The following SPOCK3 variants were observed in gnomAD, a reference collection of about 807,000 sequenced individuals.
The protein encoded by SPOCK3 is SPARC (osteonectin), cwcv and kazal like domains proteoglycan 3, also known as testican-3.
SPOCK3 carries 30 observed loss-of-function variants against 56.6 expected under a neutral mutation model. The observed-to-expected ratio is 0.53, with a 90% CI of 0.40 to 0.72. The LOEUF is 0.72. Ranked by LOEUF, SPOCK3 falls within the 30% of genes least tolerant of loss-of-function variation. SPOCK3 has a pLI of 0.00. For synonymous variants in SPOCK3, 196 were observed against 183.3 expected (o/e 1.07, Z -0.56); for missense variants, 527 against 530.0 (o/e 0.99, Z 0.06).
At chr4:166,790,244 T>C (rs1741194914) in intron 7 of SPOCK3, among the ~76,000 whole-genome samples, 1 of 152,124 alleles carries the variant, frequency 6.6e-6, no homozygotes, top group African/African-American at 2.4e-5. Context: ...GACATTTAAA[T>C]AAACAAGTAG....
At chr4:167,062,284 A>T (rs1755684541) in intron 3 of SPOCK3, among the ~76,000 whole-genome samples, 1 of 151,854 alleles carries the variant, frequency 6.6e-6, no homozygotes, top group Non-Finnish European at 1.5e-5. Context: ...TAAAAATAAA[A>T]GACATCCTGA....
At chr4:167,002,240 T>C (rs922601507) in intron 3 of SPOCK3, among the ~76,000 whole-genome samples, 12 of 152,156 alleles carry the variant, frequency 7.9e-5, no homozygotes, top group Non-Finnish European at 1.6e-4. Context: ...ATTACAATGG[T>C]GAGCCACTGC....
chr4:166,825,894 A>C (rs1193132049), intron 6 of SPOCK3, among the ~76,000 whole-genome samples: 2 of 152,056 alleles, frequency 1.3e-5, no homozygotes, highest in African/African-American at 4.8e-5. Context: ...CTCAGGGGGA[A>C]GGTTGGAAGG....
Position 167,129,903 on chromosome 4 carries a change from C to T in SPOCK3, c.190-67366G>A, listed in dbSNP as rs547619660. On this transcript the variant is annotated intron_variant, in intron 2 of 10. Transcript: ENST00000357545. The stretch of plus-strand genomic sequence containing the variant: ...CTTGCACAGTTTTTGATTTAATCTC[C>T]ACAGTGAAAATCTGGAAGCTATCTT... Among the ~76,000 whole-genome samples, 11 of 152,234 alleles carry T rather than the reference C, an allele frequency of 7.2e-5. No homozygotes were observed. The South Asian group carries it at 2.1e-3, about 29-fold the overall frequency.
At chr4:166,979,710 T>C (rs1193036114) in intron 4 of SPOCK3, among the ~76,000 whole-genome samples, 2 of 152,198 alleles carry the variant, frequency 1.3e-5, no homozygotes, top group Non-Finnish European at 1.5e-5. Flanking sequence ...TCTAAAGAGT[T>C]TGAATTTCCC....
At chr4:166,816,392 TC>T (rs1175752866) in intron 6 of SPOCK3, among the ~76,000 whole-genome samples, 1 of 152,114 alleles carries the variant, frequency 6.6e-6, no homozygotes, top group African/African-American at 2.4e-5. Context: ...CATTATTCAT[TC>T]TGCTAATTCA....
At chr4:167,202,270 G>C (rs1432730973) in intron 2 of SPOCK3, among the ~76,000 whole-genome samples, 1 of 151,864 alleles carries the variant, frequency 6.6e-6, no homozygotes, top group Non-Finnish European at 1.5e-5. Context: ...TCTCATAGCA[G>C]CAACTGCAAT....
At chr4:167,134,334 T>C (rs1380543637) in intron 2 of SPOCK3, among the ~76,000 whole-genome samples, 2 of 152,042 alleles carry the variant, frequency 1.3e-5, no homozygotes, top group African/African-American at 2.4e-5. Flanking sequence ...CACGTGGCGC[T>C]TGATGACTTG....
chr4:167,158,654 G>A (rs1173736444), intron 2 of SPOCK3, among the ~76,000 whole-genome samples: 1 of 151,912 alleles, frequency 6.6e-6, no homozygotes, highest in Non-Finnish European at 1.5e-5. Context: ...AAAAGCCTAA[G>A]ATTATTACAG....
chr4:166,781,161 A>T (rs1167238403), intron 7 of SPOCK3, among the ~76,000 whole-genome samples: 1 of 152,210 alleles, frequency 6.6e-6, no homozygotes, highest in African/African-American at 2.4e-5. Flanking sequence ...AAAAAGATAG[A>T]GACATGTATA....
chr4:167,042,984 C>A (rs113163889), intron 3 of SPOCK3, among the ~76,000 whole-genome samples: 5,057 of 152,106 alleles, frequency 0.033, 118 homozygotes, highest in Non-Finnish European at 0.053. Flanking sequence ...AGGCACACAC[C>A]ACTGGTTCTC....
At chr4:167,144,790 T>G (rs1031801839) in intron 2 of SPOCK3, among the ~76,000 whole-genome samples, 1 of 149,794 alleles carries the variant, frequency 6.7e-6, no homozygotes, top group African/African-American at 2.5e-5. Flanking sequence ...AAGCAACATA[T>G]CACATGTTTG....
At chr4:167,016,604 G>C (rs138820878) in intron 3 of SPOCK3, among the ~76,000 whole-genome samples, 1 of 151,110 alleles carries the variant, frequency 6.6e-6, no homozygotes, top group African/African-American at 2.4e-5. Context: ...GCAGTGGCGC[G>C]ATCTCAGCTC....
intron 2 of SPOCK3, among the ~76,000 whole-genome samples, chr4:167,178,817 C>T (rs10028038): frequency 0.056 from 8,449 of 151,958 alleles, 744 homozygotes; most frequent in African/African-American, 0.19. Flanking sequence ...ATACAAAATA[C>T]ATACATAATT....
chr4:167,009,902 GA>G (rs539590157), intron 3 of SPOCK3, among the ~76,000 whole-genome samples: 2 of 151,760 alleles, frequency 1.3e-5, no homozygotes, highest in African/African-American at 4.8e-5. Flanking sequence ...ATGATAATAT[GA>G]AAAAAATTAA....
rs554610786 is a variant in SPOCK3, at chr4:166,784,346, C to T, written c.709+7824G>A. On this transcript the variant is annotated intron_variant, in intron 7 of 10. Transcript: ENST00000357545. Reference sequence around the variant, plus strand: ...AATACTTTTAAACTACATGTGATTACGTTAATTTAGCTATATATGAATCGT... The same window carrying T: ...AATACTTTTAAACTACATGTGATTATGTTAATTTAGCTATATATGAATCGT... Among the ~76,000 whole-genome samples the T allele has an allele frequency of 1.2e-4, 19 of 152,084 alleles. No homozygotes were observed. The South Asian group carries it at 1.5e-3, about 12-fold the overall frequency.
intron 6 of SPOCK3, among the ~76,000 whole-genome samples, chr4:166,846,304 A>G (rs1748057386): frequency 6.6e-6 from 1 of 152,096 alleles, no homozygotes; most frequent in Non-Finnish European, 1.5e-5. Context: ...TGTTTCTATC[A>G]TTTGCCTTTT....
Position 167,222,807 on chromosome 4 carries a change from GAATATATA to G in SPOCK3, c.189+11170_189+11177del, listed in dbSNP as rs1297532552. 8.7e-3 allele frequency among the ~76,000 whole-genome samples: 947 copies of G among 108,522 alleles called. 26 individuals are homozygous for G. The highest frequency in any genetic ancestry group is 0.028 in the African/African-American group (676 of 24,466). 71.2% of individuals were successfully genotyped at this position (108,522 alleles called of 152,430 possible). The stretch of plus-strand genomic sequence containing the variant: ...TAAACATAGATATATATTGATATAT[GAATATATA>G]AATATATAAACATAGATATATATTG... On this transcript the variant is annotated intron_variant, in intron 2 of 10. Transcript: ENST00000357545.
chr4:167,135,073 T>A (rs926736269), intron 2 of SPOCK3, among the ~76,000 whole-genome samples: 3 of 149,528 alleles, frequency 2.0e-5, no homozygotes, highest in Non-Finnish European at 4.4e-5. Flanking sequence ...CATATAAATA[T>A]AAATATATAT....
Sources: allele counts gnomAD v4.1 joint callset (sites outside exome capture counted in the v4.1 genomes callset), GRCh38; gene constraint gnomAD v4.1.1; transcripts MANE v1.5; gene names NCBI Gene and HGNC (gene_info 2026-07-23, HGNC 2026-07-21).